The following PKD1L1 variants were observed in gnomAD, a reference collection of about 807,000 sequenced individuals.
PKD1L1 encodes the protein polycystin 1 like 1, transient receptor potential channel interacting.
Under a neutral mutation model 323.4 loss-of-function variants are expected in PKD1L1, and 236 were observed. That is an observed-to-expected ratio of 0.73 (90% CI 0.66 to 0.81). The LOEUF (loss-of-function observed/expected upper bound fraction) is 0.81, where lower values mean the gene tolerates loss of function less well. Among genes scored for constraint, PKD1L1 ranks in the 40% least tolerant of loss-of-function variants. The pLI is 0.00. For missense variants in PKD1L1, 3,320 were observed against 3,508.0 expected (o/e 0.95, Z 1.35); for synonymous variants, 1,344 against 1,335.0 (o/e 1.01, Z -0.15).
intron 34 of PKD1L1, among the ~76,000 whole-genome samples, chr7:47,842,061 T>C (rs1161444789): frequency 6.6e-6 from 1 of 152,208 alleles, no homozygotes; most frequent in African/African-American, 2.4e-5. Context: ...AGTACAATGA[T>C]AAATAGCAGT....
At chr7:47,890,430 T>G (rs1003478329) in intron 16 of PKD1L1, 112 bp downstream of exon 16, 1 of 1,089,418 alleles carries the variant, frequency 9.2e-7, no homozygotes, top group East Asian at 2.5e-5. Flanking sequence ...GAATCCTGCA[T>G]GGCCAAACTC....
rs1786976978 is a variant in PKD1L1 at position 47,792,682 on chromosome 7, T to G, written c.8471A>C (p.Glu2824Ala). ...LLEKTSNNTG[E>A]ARTEESPLVD... ...TAAGGGACTCTCTTCTGTCCTTGCC[T>G]CCCCTGTGTTGTTGGATGTTTTTTC... The change falls in exon 56 of 57, where the codon GAG (glutamate) becomes GCG (alanine). Residue 2824 changes from glutamate (E) to alanine (A), a missense_variant. Coordinates refer to ENST00000289672, the MANE Select transcript of PKD1L1 (RefSeq NM_138295.5). 16 of 1,614,114 alleles carry G rather than the reference T, an allele frequency of 9.9e-6. No homozygotes were observed. The highest frequency in any genetic ancestry group is 1.7e-5 in the Admixed American group (1 of 60,026).
intron 4 of PKD1L1, among the ~76,000 whole-genome samples, chr7:47,935,660 G>A (rs771621892): frequency 1.6e-4 from 24 of 152,190 alleles, no homozygotes; most frequent in African/African-American, 4.3e-4. Context: ...AATCATGTGC[G>A]TCCATTGGCA....
In PKD1L1 at chr7:47,932,012, C is replaced by G; in HGVS notation, c.443G>C (p.Ser148Thr). ...CCTGTGATGGAACCTGGGGCCACCA[C>G]TGCTCCAGGCCCTTGCGATTATAAT... ...PFIIIARAWS[S>T]GGPRFHHRRL... Residue 148 changes from serine to threonine, a missense_variant, in exon 5 of 57, where the codon AGT (serine) becomes ACT (threonine). Physicochemically the swap from Ser to Thr is moderately conservative, Grantham distance 58. Transcript: ENST00000289672. 6.2e-7 allele frequency: 1 copy of G among 1,614,098 alleles called. No individual in the cohort carries two copies.
intron 17 of PKD1L1, among the ~76,000 whole-genome samples, chr7:47,887,433 T>G (rs749252239): frequency 7.9e-5 from 12 of 152,240 alleles, no homozygotes; most frequent in Non-Finnish European, 1.3e-4. Flanking sequence ...CAGCACCCAG[T>G]GTCCTGACAC....
Position 47,855,272 on chromosome 7 carries a change from G to C in PKD1L1, c.4591-7C>G. ...GGCCCACAACTCCACCAATCTTGGG[G>C]AACAAAGACCATCTCAGAGCAAATG... On this transcript the variant is annotated splice_region_variant and splice_polypyrimidine_tract_variant and intron_variant, in intron 28 of 56. Coordinates refer to ENST00000289672, the MANE Select transcript of PKD1L1 (RefSeq NM_138295.5). 6.2e-7 allele frequency: 1 copy of C among 1,606,100 alleles called. No individual in the cohort carries two copies. The highest frequency in any genetic ancestry group is 1.1e-5 in the South Asian group (1 of 90,500).
intron 28 of PKD1L1, 88 bp from the exon 29 acceptor site, chr7:47,855,353 G>A: frequency 1.2e-6 from 1 of 852,952 alleles, no homozygotes. Context: ...TCGTGGTGCT[G>A]CTATTACACT....
intron 34 of PKD1L1, among the ~76,000 whole-genome samples, chr7:47,841,511 A>G (rs1006516425): frequency 6.6e-6 from 1 of 152,230 alleles, no homozygotes; most frequent in African/African-American, 2.4e-5. Context: ...AAGTTCCACA[A>G]AACACTGTCC....
rs1445381943 is a variant in PKD1L1, at chr7:47,929,366, C to T, written c.898G>A (p.Val300Met). The T allele has an allele frequency of 1.2e-6, 2 of 1,614,218 alleles. No homozygotes were observed. Among genetic ancestry groups the T allele is most frequent in the East Asian group, 4.5e-5 (2 of 44,882 alleles). Reference sequence around the variant, plus strand: ...AGATTTGGAGGTGCCCGAGCTTCCACTTCCAGGGAGCAATTAAGAACAGGG... The same window carrying T: ...AGATTTGGAGGTGCCCGAGCTTCCATTTCCAGGGAGCAATTAAGAACAGGG... ...MNPVLNCSLEVEARAPPNLGF... is the reference protein window; with the variant it reads ...MNPVLNCSLEMEARAPPNLGF... Residue 300 changes from valine (V) to methionine (M), a missense_variant, in exon 7 of 57, where the codon GTG (valine) becomes ATG (methionine). By Grantham distance (21) the Val-to-Met change is conservative (BLOSUM62 1). Coordinates refer to ENST00000289672, the MANE Select transcript of PKD1L1 (RefSeq NM_138295.5).
At chr7:47,800,498 C>T (rs1784636240) in intron 54 of PKD1L1, 151 bp downstream of exon 54, 1 of 795,884 alleles carries the variant, frequency 1.3e-6, no homozygotes, top group South Asian at 1.8e-5. Flanking sequence ...GACCTGACCT[C>T]CCAGGGCAGG....
At chr7:47,834,219 G>T in intron 40 of PKD1L1, 120 bp downstream of exon 40, 1 of 995,548 alleles carries the variant, frequency 1.0e-6, no homozygotes, top group African/African-American at 1.6e-5. Flanking sequence ...TCCTGTGTCC[G>T]TCTCACCTTG....
At chr7:47,891,704 G>C (rs1194200162) in intron 15 of PKD1L1, among the ~76,000 whole-genome samples, 2 of 152,234 alleles carry the variant, frequency 1.3e-5, no homozygotes, top group African/African-American at 2.4e-5. Flanking sequence ...CTGGGGTTTA[G>C]CTGGAATATT....
rs60550498 is a variant in PKD1L1 at position 47,910,826 on chromosome 7, TTGTG to T, written c.1229-2580_1229-2577del. On this transcript the variant is annotated intron_variant, in intron 8 of 56. Coordinates refer to ENST00000289672, the MANE Select transcript of PKD1L1 (RefSeq NM_138295.5). ...TGTCCGCCACCACGCCCAGCTGATT[TTGTG>T]TGTGTGTGTGTGTGTGTGTGTGTGT... 9.5e-4 allele frequency among the ~76,000 whole-genome samples: 120 copies of T among 126,128 alleles called. 1 individual carries two copies. The highest frequency in any genetic ancestry group is 2.4e-3 in the African/African-American group (71 of 30,052). 82.7% of individuals were successfully genotyped at this position (126,128 alleles called of 152,430 possible).
At chr7:47,826,523 T>C (rs1344530468) in intron 45 of PKD1L1, among the ~76,000 whole-genome samples, 1 of 152,270 alleles carries the variant, frequency 6.6e-6, no homozygotes, top group African/African-American at 2.4e-5. Context: ...GAAGGGATTG[T>C]TTTTTAAGGA....
Position 47,793,320 on chromosome 7 carries a change from G to C in PKD1L1, c.8356-523C>G, listed in dbSNP as rs56862939. On this transcript the variant is annotated intron_variant, in intron 55 of 56. Coordinates refer to ENST00000289672, the MANE Select transcript of PKD1L1 (RefSeq NM_138295.5). ...TGTGTCCCCATTCAAATCTCAACTT[G>C]AATTGTATCTCCCAGAATTCCTGTG... Among the ~76,000 whole-genome samples the C allele has an allele frequency of 2.5e-3, 384 of 152,210 alleles. 3 individuals are homozygous for C. The highest frequency in any genetic ancestry group is 9.0e-3 in the African/African-American group (373 of 41,544).
upstream of PKD1L1, among the ~76,000 whole-genome samples, chr7:47,949,768 T>C (rs1788177055): frequency 6.6e-6 from 1 of 152,142 alleles, no homozygotes. Flanking sequence ...CACAAGCTCT[T>C]TCTCAGATGG....
rs975506973 is a variant in PKD1L1 at position 47,902,491 on chromosome 7, T to G, written c.1952A>C (p.Glu651Ala). The part of the protein sequence containing the change: ...VYSREGEFTV[E>A]VLAFNNVSAS... ...ACTGACATTATTGAAGGCAAGGACC[T>G]CCACTGTAAATTCTCCTTCCCTGGG... Residue 651 changes from glutamate to alanine, a missense_variant, in exon 13 of 57, where the codon GAG (glutamate) becomes GCG (alanine). Transcript: ENST00000289672. The G allele has an allele frequency of 6.2e-7, 1 of 1,614,064 alleles. No homozygotes were observed. Among genetic ancestry groups the G allele is most frequent in the South Asian group, 1.1e-5 (1 of 91,062 alleles).
chr7:47,831,165 C>A (rs987949208), intron 42 of PKD1L1, 52 bp downstream of exon 42: 2 of 1,568,448 alleles, frequency 1.3e-6, no homozygotes, highest in South Asian at 1.2e-5. Context: ...TTTACAAATG[C>A]GAGACTTTCC....
chr7:47,899,829 GC>G (rs1000187133), intron 13 of PKD1L1, among the ~76,000 whole-genome samples: 6 of 151,894 alleles, frequency 4.0e-5, no homozygotes, highest in Non-Finnish European at 8.8e-5. Context: ...GGTGGCGGAC[GC>G]CTGTAGTCCC....
Sources: allele counts gnomAD v4.1 joint callset (sites outside exome capture counted in the v4.1 genomes callset), GRCh38; gene constraint gnomAD v4.1.1; transcripts MANE v1.5; gene names NCBI Gene and HGNC (gene_info 2026-07-23, HGNC 2026-07-21).